IFIH1: variants seen among roughly 807,000 people sequenced by gnomAD.
IFIH1 encodes interferon induced with helicase C domain 1.
IFIH1 carries 125 observed loss-of-function variants against 107.4 expected under a neutral mutation model. The observed-to-expected ratio is 1.16, with a 90% CI of 1.01 to 1.35. The LOEUF is 1.35. IFIH1 is among the 40% of genes most tolerant of loss of function. The pLI is 0.00. For missense variants in IFIH1, 1,333 were observed against 1,213.7 expected, an observed-to-expected ratio of 1.10 and a Z score of -1.46; for synonymous variants, 458 against 413.2, an observed-to-expected ratio of 1.11 and a Z score of -1.31.
chr2:162,275,894 A>G (rs1026923178), intron 11 of IFIH1, among the ~76,000 whole-genome samples: 1 of 152,174 alleles, frequency 6.6e-6, no homozygotes, highest in Non-Finnish European at 1.5e-5. Flanking sequence ...CAGAAAACCT[A>G]CTTACCAGAA....
chr2:162,304,151 T>C (rs755521603), intron 3 of IFIH1, among the ~76,000 whole-genome samples: 5 of 152,118 alleles, frequency 3.3e-5, no homozygotes, highest in Admixed American at 6.6e-5. Context: ...CCAGAGTTTA[T>C]GAGAAAGGTG....
At chr2:162,270,052 C>T (rs1044382119) in intron 13 of IFIH1, among the ~76,000 whole-genome samples, 4 of 151,678 alleles carry the variant, frequency 2.6e-5, no homozygotes, top group African/African-American at 9.7e-5. Context: ...AAAAATAAAG[C>T]CAAGGTAAGT....
rs1683369414 is a variant in IFIH1, at chr2:162,310,585, T to A, written c.622+180A>T. On this transcript the variant is annotated intron_variant, in intron 2 of 15. Coordinates refer to ENST00000649979, the MANE Select transcript of IFIH1 (RefSeq NM_022168.4). ...AATGGTCTTTGATCAGTTGATATTT[T>A]CCCAGGCATCAATTTCCTCATTTGT... 8 of 588,126 alleles carry A rather than the reference T, an allele frequency of 1.4e-5. No homozygotes were observed. In the South Asian group the frequency reaches 1.7e-4, roughly 13 times the overall value. The allele number at this position is 588,126 out of a possible 1,614,324, so 36.4% of individuals were successfully genotyped here.
Position 162,277,515 on chromosome 2 carries a change from AC to A in IFIH1, c.1943del (p.Gly648ValfsTer16), listed in dbSNP as rs751231371. On this transcript the variant is annotated frameshift_variant, in exon 10 of 16. Transcript: ENST00000649979. LOFTEE classifies it high-confidence loss of function. ...FAVIEDDSDE[G>X]GDDEYCDGDE... Reference sequence around the variant, plus strand: ...CACCATCACAATACTCATCATCACCACCCTCATCACTATCATCTTCTATGAC... The same window carrying A: ...CACCATCACAATACTCATCATCACCACCTCATCACTATCATCTTCTATGAC... The A allele has an allele frequency of 4.8e-5, 76 of 1,580,768 alleles. No individual in the cohort carries two copies. In the South Asian group the frequency reaches 5.1e-4, roughly 11 times the overall value.
intron 12 of IFIH1, 83 bp from the exon 13 acceptor site, chr2:162,272,470 G>T: frequency 8.4e-7 from 1 of 1,196,572 alleles, no homozygotes; most frequent in Non-Finnish European, 1.2e-6. Flanking sequence ...TGATATTCTT[G>T]CTCAGAATGA....
Position 162,310,833 on chromosome 2 carries a change from A to G in IFIH1, c.554T>C (p.Leu185Pro), listed in dbSNP as rs781741913. 2.5e-6 allele frequency: 4 copies of G among 1,613,760 alleles called. No homozygotes were observed. In the South Asian group the frequency reaches 4.4e-5, roughly 18 times the overall value. Reference sequence around the variant, plus strand: ...AAGTTCATTGTTTCCTGTTTGACGAAGAACATTCAGAAATGCAGAGAACCA... The same window carrying G: ...AAGTTCATTGTTTCCTGTTTGACGAGGAACATTCAGAAATGCAGAGAACCA... ...ENWFSAFLNV[L>P]RQTGNNELVQ... Residue 185 changes from leucine to proline, a missense_variant, in exon 2 of 16, where the codon CTT becomes CCT. Leu to Pro is a moderately conservative substitution (Grantham distance 98). Transcript: ENST00000649979.
In IFIH1 at chr2:162,277,451, C is replaced by T. The variant is rs370203250; in HGVS notation, c.2008G>A (p.Asp670Asn). The change falls in exon 10 of 16, where the codon GAT becomes AAT. Residue 670 changes from aspartate to asparagine, a missense_variant. By Grantham distance (23) the Asp-to-Asn change is conservative (BLOSUM62 1). Transcript: ENST00000649979. Reference sequence around the variant, plus strand: ...GTCATGAGAAATCTATCTGTTTCATCCAGTTTCAAAGGTTTCTTTAAATCA... The same window carrying T: ...GTCATGAGAAATCTATCTGTTTCATTCAGTTTCAAAGGTTTCTTTAAATCA... The part of the protein sequence containing the change: ...EDDLKKPLKL[D>N]ETDRFLMTLF... 13 of 1,609,346 alleles carry T rather than the reference C, an allele frequency of 8.1e-6. No homozygotes were observed. The highest frequency in any genetic ancestry group is 1.1e-5 in the Non-Finnish European group (13 of 1,176,706).
At chr2:162,296,258 T>C (rs947062424) in intron 3 of IFIH1, among the ~76,000 whole-genome samples, 2 of 152,108 alleles carry the variant, frequency 1.3e-5, no homozygotes, top group Admixed American at 1.3e-4. Flanking sequence ...TGATGAATTG[T>C]TTTAAAAGTT....
chr2:162,312,689 T>G lies in IFIH1; in HGVS notation c.454-1756A>C, dbSNP rs142443394. The stretch of plus-strand genomic sequence containing the variant: ...TCATTTTTTACCATTTTTTTCTAGC[T>G]CTCTTAGTCTCCTAATGGAAATTCT... On this transcript the variant is annotated intron_variant, in intron 1 of 15. Coordinates refer to ENST00000649979, the MANE Select transcript of IFIH1 (RefSeq NM_022168.4). Among the ~76,000 whole-genome samples, 2 of 152,316 alleles carry G rather than the reference T, an allele frequency of 1.3e-5. 1 individual carries two copies. The highest frequency in any genetic ancestry group is 3.9e-4 in the East Asian group (2 of 5,188).
intron 4 of IFIH1, among the ~76,000 whole-genome samples, chr2:162,292,045 AT>A (rs1683005325): frequency 6.6e-6 from 1 of 151,878 alleles, no homozygotes. Context: ...AAATCAGCAA[AT>A]ACATTTGTTA....
At chr2:162,271,848 C>T (rs939291671) in intron 13 of IFIH1, among the ~76,000 whole-genome samples, 2 of 152,142 alleles carry the variant, frequency 1.3e-5, no homozygotes, top group African/African-American at 2.4e-5. Context: ...ATAAGGTTAC[C>T]TGGCACACAG....
intron 9 of IFIH1, among the ~76,000 whole-genome samples, chr2:162,277,920 C>T (rs1373371834): frequency 6.6e-6 from 1 of 152,044 alleles, no homozygotes; most frequent in Non-Finnish European, 1.5e-5. Context: ...AGCTGATGCA[C>T]AGAGAAATGG....
At position 162,277,581 on chromosome 2, in the gene IFIH1, A is replaced by C; in HGVS notation, c.1878T>G (p.Leu626=). ...TIRMIDAYTH[L]ETFYNEEKDK... ...CTTTCTCTTCATTATAGAAAGTTTC[A>C]AGATGAGTATACGCATCTATCATTC... Residue 626 remains leucine (L), a synonymous_variant, in exon 10 of 16, where the codon CTT becomes CTG. Coordinates refer to ENST00000649979, the MANE Select transcript of IFIH1 (RefSeq NM_022168.4). The C allele has an allele frequency of 6.2e-7, 1 of 1,611,112 alleles. No homozygotes were observed. The highest frequency in any genetic ancestry group is 8.5e-7 in the Non-Finnish European group (1 of 1,177,404).
chr2:162,279,886 C>T, intron 8 of IFIH1, 110 bp downstream of exon 8: 1 of 712,770 alleles, frequency 1.4e-6, no homozygotes, highest in Non-Finnish European at 2.4e-6. Flanking sequence ...AACTTGTTTG[C>T]TAAAATTTTT....
In IFIH1 at chr2:162,282,381, C is replaced by A; in HGVS notation, c.1291G>T (p.Gly431Cys). 1 of 1,607,820 alleles carries A rather than the reference C, an allele frequency of 6.2e-7. No individual in the cohort carries two copies. The highest frequency in any genetic ancestry group is 8.5e-7 in the Non-Finnish European group (1 of 1,175,944). ...TTAAACTGACCTGACAATTGAACAC[C>A]AGCATCTTCTCCATTTTCCAAGTTT... ...LLNLENGEDA[G>C]VQLSDFSLII... The change falls in exon 6 of 16, where the codon GGT becomes TGT. Residue 431 changes from glycine to cysteine, a missense_variant. Physicochemically the swap from Gly to Cys is radical, Grantham distance 159. Transcript: ENST00000649979.
chr2:162,308,334 G>C (rs890992590), intron 2 of IFIH1, among the ~76,000 whole-genome samples: 1 of 151,338 alleles, frequency 6.6e-6, no homozygotes. Context: ...TTCTTAAAAG[G>C]CCACAATTCT....
At chr2:162,313,975 G>T (rs914939967) in intron 1 of IFIH1, among the ~76,000 whole-genome samples, 2 of 152,172 alleles carry the variant, frequency 1.3e-5, no homozygotes, top group African/African-American at 4.8e-5. Flanking sequence ...CTGTGTAAAT[G>T]GAAGGTGTGT....
At chr2:162,311,071 G>A (rs1683377935) in intron 1 of IFIH1, 138 bp from the exon 2 acceptor site, 1 of 598,612 alleles carries the variant, frequency 1.7e-6, no homozygotes, top group Non-Finnish European at 2.8e-6. Flanking sequence ...GAAGAAAATA[G>A]CAATGTTACC....
intron 3 of IFIH1, among the ~76,000 whole-genome samples, chr2:162,303,265 C>A (rs940512712): frequency 6.6e-6 from 1 of 152,142 alleles, no homozygotes; most frequent in Non-Finnish European, 1.5e-5. Context: ...CAGGCATCTG[C>A]CACCATGCTC....
Sources: gnomAD v4.1 joint callset for allele counts (sites outside exome capture counted in the v4.1 genomes callset) on GRCh38, gnomAD v4.1.1 for gene constraint, MANE v1.5 for transcripts, NCBI Gene and HGNC (gene_info 2026-07-23, HGNC 2026-07-21) for gene names.